Variants in SAMD3 observed in about 807,000 individuals in gnomAD.
SAMD3 encodes sterile alpha motif domain-containing protein 3.
A neutral mutation model predicts 58.5 loss-of-function variants in SAMD3; 63 were observed. The observed-to-expected ratio is 1.08, with a 90% CI of 0.88 to 1.33. The LOEUF (loss-of-function observed/expected upper bound fraction) is 1.33. Ranked by LOEUF, SAMD3 falls within the 40% of genes most tolerant of loss-of-function variation. SAMD3 has a pLI of 0.00. For missense variants in SAMD3, 604 were observed against 608.4 expected (o/e 0.99, Z 0.08); for synonymous variants, 220 against 210.3 (o/e 1.05, Z -0.40).
chr6:130,262,597 G>A (rs1247024027), intron 2 of SAMD3, among the ~76,000 whole-genome samples: 1 of 151,554 alleles, frequency 6.6e-6, no homozygotes, highest in African/African-American at 2.4e-5. Context: ...AAAAAAAAAG[G>A]TTATAAAAGG....
chr6:130,321,048 A>G (rs963423221), intron 1 of SAMD3, among the ~76,000 whole-genome samples: 1 of 152,144 alleles, frequency 6.6e-6, no homozygotes, highest in Non-Finnish European at 1.5e-5. Context: ...ATAACTCCCA[A>G]TGATCTCTGC....
At chr6:130,338,164 A>T (rs1441063414) in intron 1 of SAMD3, among the ~76,000 whole-genome samples, 5 of 152,222 alleles carry the variant, frequency 3.3e-5, no homozygotes, top group Admixed American at 3.3e-4. Context: ...GCTGGGGCTA[A>T]AAAGGGCCAT....
At chr6:130,364,241 TAAG>T (rs1778066357) in intron 1 of SAMD3, among the ~76,000 whole-genome samples, 1 of 152,218 alleles carries the variant, frequency 6.6e-6, no homozygotes, top group Non-Finnish European at 1.5e-5. Context: ...TCTGTGGCCT[TAAG>T]AATGTGCTTA....
Position 130,300,188 on chromosome 6 carries a change from C to T in SAMD3, c.-188+12790G>A, listed in dbSNP as rs1251053874. ...ACTACAAGCCAATATCCTTGATAAA[C>T]ACAAACACAAAAATCCTCAGCAAAC... On this transcript the variant is annotated intron_variant, in intron 2 of 13. Coordinates refer to the SAMD3 transcript ENST00000368134. Among the ~76,000 whole-genome samples the T allele has an allele frequency of 2.6e-5, 4 of 152,268 alleles. No individual in the cohort carries two copies. The East Asian group carries it at 5.8e-4, about 22-fold the overall frequency.
At chr6:130,295,791 G>A (rs1199903965) in intron 2 of SAMD3, among the ~76,000 whole-genome samples, 1 of 152,074 alleles carries the variant, frequency 6.6e-6, no homozygotes, top group Non-Finnish European at 1.5e-5. Flanking sequence ...TTTTCTATTT[G>A]TTGCCCCTTA....
chr6:130,213,280 A>G (rs1165796829), intron 4 of SAMD3, among the ~76,000 whole-genome samples: 1 of 152,036 alleles, frequency 6.6e-6, no homozygotes, highest in African/African-American at 2.4e-5. Context: ...CCTGGGGGTC[A>G]GACTGAGACC....
At chr6:130,298,596 AAG>A (rs767815925) in intron 2 of SAMD3, among the ~76,000 whole-genome samples, 106 of 152,246 alleles carry the variant, frequency 7.0e-4, no homozygotes, top group Admixed American at 1.7e-3. Context: ...CGACATCACA[AAG>A]AGAGATCTCA....
At chr6:130,283,996 G>A (rs1213220993) in intron 2 of SAMD3, among the ~76,000 whole-genome samples, 1 of 152,126 alleles carries the variant, frequency 6.6e-6, no homozygotes, top group Non-Finnish European at 1.5e-5. Context: ...GTGATAAGAG[G>A]CGTGTGCCAT....
upstream of SAMD3, among the ~76,000 whole-genome samples, chr6:130,226,984 G>A (rs567035287): frequency 8.5e-5 from 13 of 152,130 alleles, no homozygotes; most frequent in South Asian, 1.2e-3. Context: ...AAAGTTTACC[G>A]TCTTAACCCT....
chr6:130,244,285 T>A (rs1773459782), intron 2 of SAMD3, among the ~76,000 whole-genome samples: 1 of 152,154 alleles, frequency 6.6e-6, no homozygotes. Context: ...ATTGAGAAAC[T>A]TCTCAGCTAG....
chr6:130,253,430 T>A (rs541917083), intron 2 of SAMD3, among the ~76,000 whole-genome samples: 70 of 152,318 alleles, frequency 4.6e-4, no homozygotes, highest in African/African-American at 1.7e-3. Flanking sequence ...ATTGATATGA[T>A]AATATCTTTA....
chr6:130,308,365 A>ATTCTATTCTATTCTATTCTATTCTATTCT lies in SAMD3; in HGVS notation c.-188+4584_-188+4612dup, dbSNP rs1775988892. ...AGTTCATAGAATTCTATTCTATTCT[A>ATTCTATTCTATTCTATTCTATTCTATTCT]TTCTATTCTATTCTATTCTATTCTA... On this transcript the variant is annotated intron_variant, in intron 2 of 13. Transcript: ENST00000368134. Among the ~76,000 whole-genome samples the ATTCTATTCTATTCTATTCTATTCTATTCT allele has an allele frequency of 2.1e-3, 119 of 58,014 alleles. 1 individual carries two copies. Among genetic ancestry groups the ATTCTATTCTATTCTATTCTATTCTATTCT allele is most frequent in the African/African-American group, 4.9e-3 (77 of 15,664 alleles). 38.1% of individuals were successfully genotyped at this position (58,014 alleles called of 152,430 possible). A position where few individuals can be genotyped will look rare whatever the true frequency, so the allele number is the denominator to read the frequency against.
At chr6:130,258,523 T>G (rs568747098) in intron 2 of SAMD3, among the ~76,000 whole-genome samples, 1 of 152,200 alleles carries the variant, frequency 6.6e-6, no homozygotes, top group Admixed American at 6.5e-5. Flanking sequence ...CGGACACACA[T>G]ATTTAAAGTG....
intron 1 of SAMD3, among the ~76,000 whole-genome samples, chr6:130,361,002 G>A (rs532848155): frequency 3.3e-5 from 5 of 152,208 alleles, no homozygotes; most frequent in African/African-American, 1.2e-4. Context: ...CTGTTATACT[G>A]TTCTTTTTTC....
chr6:130,198,001 CA>C (rs1562434300), intron 5 of SAMD3, among the ~76,000 whole-genome samples: 1 of 152,154 alleles, frequency 6.6e-6, no homozygotes, highest in African/African-American at 2.4e-5. Flanking sequence ...CATCCTGGCT[CA>C]AAAGCTCCCC....
chr6:130,271,842 T>C (rs1001522586), intron 2 of SAMD3, among the ~76,000 whole-genome samples: 3 of 152,106 alleles, frequency 2.0e-5, no homozygotes, highest in South Asian at 4.1e-4. Context: ...GGCAAGAGCG[T>C]GTGCAGGGGA....
intron 8 of SAMD3, 50 bp downstream of exon 8, chr6:130,175,788 AATC>A (rs1791668587): frequency 1.2e-5 from 14 of 1,140,476 alleles, no homozygotes; most frequent in Non-Finnish European, 1.8e-5. Flanking sequence ...ATTATCCCTT[AATC>A]AATATATCAA....
chr6:130,363,224 C>G (rs1778036780), intron 1 of SAMD3, among the ~76,000 whole-genome samples: 1 of 152,174 alleles, frequency 6.6e-6, no homozygotes, highest in Non-Finnish European at 1.5e-5. Flanking sequence ...GATCCCTTCT[C>G]AGGCCTAAAA....
intron 7 of SAMD3, chr6:130,183,050 A>G: frequency 3.6e-6 from 1 of 274,440 alleles, no homozygotes; most frequent in African/African-American, 2.2e-5. Context: ...TTATATTCAC[A>G]TTGTTGTGCA....
Sources: allele counts gnomAD v4.1 joint callset (sites outside exome capture counted in the v4.1 genomes callset), GRCh38; gene constraint gnomAD v4.1.1; transcripts MANE v1.5; gene names NCBI Gene and HGNC (gene_info 2026-07-23, HGNC 2026-07-21).